Variants in RINT1 observed in about 807,000 individuals in gnomAD.
RINT1 encodes RAD50-interacting protein 1.
Under a neutral mutation model 97.7 loss-of-function variants are expected in RINT1, and 75 were observed. The ratio of observed to expected loss-of-function variants is 0.77; its 90% CI spans 0.64 to 0.93. The LOEUF (loss-of-function observed/expected upper bound fraction) is 0.93, where lower values mean the gene tolerates loss of function less well. RINT1 is among the 40% of genes least tolerant of loss of function. The pLI, the probability that RINT1 is intolerant of heterozygous loss-of-function variation, is 0.00. For missense variants in RINT1, 892 were observed against 925.2 expected, an observed-to-expected ratio of 0.96 and a Z score of 0.47; for synonymous variants, 303 against 326.3, an observed-to-expected ratio of 0.93 and a Z score of 0.77.
At chr7:105,557,924 C>G (rs978986855) in intron 11 of RINT1, among the ~76,000 whole-genome samples, 1 of 152,074 alleles carries the variant, frequency 6.6e-6, no homozygotes, top group Non-Finnish European at 1.5e-5. Flanking sequence ...TAACTGAAAT[C>G]CATGTGCATA....
intron 4 of RINT1, among the ~76,000 whole-genome samples, chr7:105,544,573 T>A (rs1195626913): frequency 6.6e-6 from 1 of 152,118 alleles, no homozygotes; most frequent in East Asian, 1.9e-4. Flanking sequence ...TAGCTAGGAC[T>A]ACAGGTGTAT....
At chr7:105,549,439 C>A (rs1436399668) in intron 7 of RINT1, among the ~76,000 whole-genome samples, 1 of 151,894 alleles carries the variant, frequency 6.6e-6, no homozygotes, top group Non-Finnish European at 1.5e-5. Context: ...ACCTCTGCCT[C>A]CCGCGTTCAA....
At chr7:105,544,469 C>T (rs1790579814) in intron 4 of RINT1, among the ~76,000 whole-genome samples, 1 of 151,150 alleles carries the variant, frequency 6.6e-6, no homozygotes, top group South Asian at 2.1e-4. Context: ...GAATCTTCCT[C>T]TGTTGCCCAG....
Position 105,542,435 on chromosome 7 carries a change from A to G in RINT1, c.301A>G (p.Lys101Glu), listed in dbSNP as rs2133373107. The G allele has an allele frequency of 1.2e-6, 2 of 1,610,162 alleles. No individual in the cohort carries two copies. The highest frequency in any genetic ancestry group is 1.7e-6 in the Non-Finnish European group (2 of 1,176,710). Reference protein sequence around the residue: ...QVLTISSEIPKRIRSALKNAE... With the variant: ...QVLTISSEIPERIRSALKNAE... Reference sequence around the variant, plus strand: ...ACTTACAATTTCATCAGAAATTCCTAAAAGAATTCGAAGTGCCTTAAAAAA... The same window carrying G: ...ACTTACAATTTCATCAGAAATTCCTGAAAGAATTCGAAGTGCCTTAAAAAA... The change falls in exon 4 of 15, where the codon AAA (lysine) becomes GAA (glutamate). Residue 101 changes from lysine to glutamate, a missense_variant. By Grantham distance (56) the Lys-to-Glu change is moderately conservative. Coordinates refer to ENST00000257700, the MANE Select transcript of RINT1 (RefSeq NM_021930.6).
At chr7:105,538,286 C>T (rs772881784) in intron 3 of RINT1, among the ~76,000 whole-genome samples, 3 of 152,120 alleles carry the variant, frequency 2.0e-5, no homozygotes, top group African/African-American at 4.8e-5. Context: ...CCACCACACC[C>T]GGCCAAGATA....
chr7:105,555,229 T>G lies in RINT1; in HGVS notation c.1671+2T>G, dbSNP rs1791131708. The G allele has an allele frequency of 6.2e-7, 1 of 1,608,860 alleles. No homozygotes were observed. Among genetic ancestry groups the G allele is most frequent in the Non-Finnish European group, 8.5e-7 (1 of 1,176,552 alleles). On this transcript the variant is annotated splice_donor_variant, in intron 11 of 14. Coordinates refer to ENST00000257700, the MANE Select transcript of RINT1 (RefSeq NM_021930.6). LOFTEE classifies it high-confidence loss of function. Reference sequence around the variant, plus strand: ...CTAGCAGATTGGGCTGACAATGTTGTGAGTTAATATGCTTTTATATTAAGT... The same window carrying G: ...CTAGCAGATTGGGCTGACAATGTTGGGAGTTAATATGCTTTTATATTAAGT...
intron 11 of RINT1, among the ~76,000 whole-genome samples, chr7:105,559,460 G>T (rs1791330952): frequency 7.2e-6 from 1 of 138,434 alleles, no homozygotes; most frequent in Non-Finnish European, 1.5e-5. Context: ...AGAATTGCAT[G>T]AACCTGGGAG....
Position 105,550,175 on chromosome 7 carries a change from TCA to T in RINT1, c.1107+11_1107+12del, listed in dbSNP as rs1248945971. The stretch of plus-strand genomic sequence containing the variant: ...TTTGGTAAACGCAAGGGTAAGAGAC[TCA>T]GTCATAAGTGTTTCTGTTTTAGAAC... On this transcript the variant is annotated intron_variant, in intron 8 of 14. Coordinates refer to ENST00000257700, the MANE Select transcript of RINT1 (RefSeq NM_021930.6). 6.2e-7 allele frequency: 1 copy of T among 1,607,026 alleles called. No homozygotes were observed. The highest frequency in any genetic ancestry group is 8.5e-7 in the Non-Finnish European group (1 of 1,173,954).
intron 11 of RINT1, among the ~76,000 whole-genome samples, chr7:105,556,776 GT>G (rs1205369602): frequency 6.6e-6 from 1 of 152,082 alleles, no homozygotes; most frequent in Non-Finnish European, 1.5e-5. Context: ...TATTTTTACT[GT>G]TTTTATTAAT....
Position 105,567,171 on chromosome 7 carries a change from C to G in RINT1, c.2239C>G (p.Leu747Val), listed in dbSNP as rs146607996. 2 of 1,606,150 alleles carry G rather than the reference C, an allele frequency of 1.2e-6. No homozygotes were observed. The highest frequency in any genetic ancestry group is 2.7e-5 in the African/African-American group (2 of 74,446). Residue 747 changes from leucine (L) to valine (V), a missense_variant, in exon 15 of 15, where the codon CTG becomes GTG. Leu to Val is a conservative substitution (Grantham distance 32). Transcript: ENST00000257700. Reference sequence around the variant, plus strand: ...TTTGAACGTCGGTTCTGCACTACTGCTGAAAGATGTACTGCAGTCAGCTTC... The same window carrying G: ...TTTGAACGTCGGTTCTGCACTACTGGTGAAAGATGTACTGCAGTCAGCTTC... ...LNLNVGSALL[L>V]KDVLQSASGQ...
At chr7:105,538,631 A>C (rs1790338541) in intron 3 of RINT1, among the ~76,000 whole-genome samples, 1 of 152,154 alleles carries the variant, frequency 6.6e-6, no homozygotes, top group Non-Finnish European at 1.5e-5. Context: ...TACTCCCCTC[A>C]ACTGTTCTTT....
chr7:105,536,805 T>C (rs1456268152), intron 3 of RINT1, 56 bp downstream of exon 3: 12 of 1,045,914 alleles, frequency 1.1e-5, no homozygotes, highest in Non-Finnish European at 1.6e-5. Context: ...AACAATATAA[T>C]ATAAACATAA....
At chr7:105,544,830 A>G (rs964929337) in intron 4 of RINT1, among the ~76,000 whole-genome samples, 5 of 152,184 alleles carry the variant, frequency 3.3e-5, no homozygotes, top group African/African-American at 1.2e-4. Context: ...CAGGTAGAGC[A>G]CAGTTATTTT....
chr7:105,551,605 G>A lies in RINT1; in HGVS notation c.1369G>A (p.Glu457Lys), dbSNP rs1790928556. ...AAAAATGGACTCAATGCTTTCCTCA[G>A]AAGCTGCCTGGGTATCGCAATATAA... ...LQKMDSMLSS[E>K]AAWVSQYKDI... The change falls in exon 10 of 15, where the codon GAA (glutamate) becomes AAA (lysine). Residue 457 changes from glutamate to lysine, a missense_variant. Coordinates refer to ENST00000257700, the MANE Select transcript of RINT1 (RefSeq NM_021930.6). 1 of 1,608,866 alleles carries A rather than the reference G, an allele frequency of 6.2e-7. No individual in the cohort carries two copies.
intron 6 of RINT1, among the ~76,000 whole-genome samples, chr7:105,548,016 T>C (rs933773484): frequency 4.6e-5 from 7 of 152,102 alleles, no homozygotes; most frequent in African/African-American, 1.7e-4. Flanking sequence ...TGAGAGCCAC[T>C]GCACCTGGCT....
In RINT1 at chr7:105,548,551, C is replaced by G. The variant is rs368353016; in HGVS notation, c.840-3C>G. On this transcript the variant is annotated splice_region_variant and splice_polypyrimidine_tract_variant and intron_variant, in intron 6 of 14. Coordinates refer to ENST00000257700, the MANE Select transcript of RINT1 (RefSeq NM_021930.6). The stretch of plus-strand genomic sequence containing the variant: ...TTCTTTTTCCTTGACTTGATTATGT[C>G]AGAGATGAATTACTTACTGAGCCAA... The G allele has an allele frequency of 3.0e-5, 48 of 1,613,730 alleles. No individual in the cohort carries two copies. The highest frequency in any genetic ancestry group is 3.6e-5 in the Non-Finnish European group (43 of 1,179,874).
Position 105,547,212 on chromosome 7 carries a change from C to T in RINT1, c.718C>T (p.His240Tyr). The part of the protein sequence containing the change: ...SDFEEILAQL[H>Y]WPFIAPPQSQ... ...TTTTGAGGAAATTTTAGCACAGCTT[C>T]ATTGGCCATTCATCGCACCCCCTCA... is the stretch of plus-strand genomic sequence containing the variant. The change falls in exon 6 of 15, where the codon CAT becomes TAT. Residue 240 changes from histidine to tyrosine, a missense_variant. By Grantham distance (83) the His-to-Tyr change is moderately conservative (BLOSUM62 2). Transcript: ENST00000257700. 1 of 1,614,190 alleles carries T rather than the reference C, an allele frequency of 6.2e-7. No homozygotes were observed. The highest frequency in any genetic ancestry group is 8.5e-7 in the Non-Finnish European group (1 of 1,180,036).
At position 105,532,267 on chromosome 7, in the gene RINT1, A is replaced by G. The variant is rs1319875700; in HGVS notation, c.-49A>G. On this transcript the variant is annotated 5_prime_UTR_variant, in exon 1 of 15. Coordinates refer to ENST00000257700, the MANE Select transcript of RINT1 (RefSeq NM_021930.6). Reference sequence around the variant, plus strand: ...GTGTCGCTGGCCTTAGCCAGACTCCACAGGCCACGCTGGCTGCGAATGGAG... The same window carrying G: ...GTGTCGCTGGCCTTAGCCAGACTCCGCAGGCCACGCTGGCTGCGAATGGAG... 6.5e-7 allele frequency: 1 copy of G among 1,547,760 alleles called. No homozygotes were observed. The highest frequency in any genetic ancestry group is 8.7e-7 in the Non-Finnish European group (1 of 1,150,110).
intron 3 of RINT1, among the ~76,000 whole-genome samples, chr7:105,539,623 C>T (rs771857254): frequency 7.2e-5 from 11 of 152,094 alleles, no homozygotes; most frequent in Admixed American, 1.3e-4. Flanking sequence ...GGATCTTGGC[C>T]TTCCAAAGTG....
Sources: gnomAD v4.1 joint callset for allele counts (sites outside exome capture counted in the v4.1 genomes callset) on GRCh38, gnomAD v4.1.1 for gene constraint, MANE v1.5 for transcripts, NCBI Gene and HGNC (gene_info 2026-07-23, HGNC 2026-07-21) for gene names.